CKAP5: variants seen among roughly 807,000 people sequenced by gnomAD.
The protein encoded by CKAP5 is cytoskeleton-associated protein 5.
Under a neutral mutation model 232.8 loss-of-function variants are expected in CKAP5, and 27 were observed. The ratio of observed to expected loss-of-function variants is 0.12; its 90% CI spans 0.09 to 0.16. The LOEUF (loss-of-function observed/expected upper bound fraction) is 0.16. Among genes scored for constraint, CKAP5 ranks in the 10% least tolerant of loss-of-function variants. The pLI is 1.00. For missense variants in CKAP5, 1,838 were observed against 2,424.7 expected (o/e 0.76, Z 5.08); for synonymous variants, 785 against 841.1 (o/e 0.93, Z 1.16).
intron 15 of CKAP5, 133 bp downstream of exon 15, chr11:46,789,943 C>T: frequency 5.3e-6 from 3 of 562,516 alleles, no homozygotes; most frequent in Non-Finnish European, 3.2e-6. Flanking sequence ...AAAGTCCCAC[C>T]TCATCTTTAA....
intron 28 of CKAP5, among the ~76,000 whole-genome samples, 174 bp from the exon 29 acceptor site, chr11:46,763,804 C>G (rs2065176787): frequency 6.6e-6 from 1 of 152,134 alleles, no homozygotes; most frequent in African/African-American, 2.4e-5. Flanking sequence ...AGCTTAACAA[C>G]TCTGAAAATC....
chr11:46,842,983 A>G (rs1231547788), intron 1 of CKAP5, among the ~76,000 whole-genome samples: 1 of 147,952 alleles, frequency 6.8e-6, no homozygotes, highest in Non-Finnish European at 1.5e-5. Flanking sequence ...AAAAAAAAAA[A>G]AAAAAAAAGA....
At chr11:46,842,495 TG>T (rs538155171) in intron 1 of CKAP5, among the ~76,000 whole-genome samples, 160 of 152,308 alleles carry the variant, frequency 1.1e-3, no homozygotes, top group African/African-American at 3.8e-3. Context: ...GACCCCTTAA[TG>T]TGGATAACCT....
chr11:46,810,236 T>G (rs1197694045), intron 5 of CKAP5, among the ~76,000 whole-genome samples: 1 of 152,148 alleles, frequency 6.6e-6, no homozygotes, highest in Non-Finnish European at 1.5e-5. Context: ...CCTCCCAAAA[T>G]GCTGGGATGA....
At chr11:46,766,737 A>T (rs1448923592) in intron 27 of CKAP5, among the ~76,000 whole-genome samples, 1 of 152,216 alleles carries the variant, frequency 6.6e-6, no homozygotes, top group Non-Finnish European at 1.5e-5. Flanking sequence ...AGATAATGAC[A>T]ATTTACTGTG....
chr11:46,769,901 T>C, intron 26 of CKAP5, 62 bp downstream of exon 26: 1 of 1,551,342 alleles, frequency 6.4e-7, no homozygotes, highest in Non-Finnish European at 8.9e-7. Context: ...CAAGGCTGAA[T>C]GTCTTTTTAG....
intron 5 of CKAP5, among the ~76,000 whole-genome samples, chr11:46,810,203 C>A (rs945962501): frequency 2.6e-5 from 4 of 152,116 alleles, no homozygotes; most frequent in Admixed American, 1.3e-4. Context: ...AACTTCTGAC[C>A]TCAGGTGATC....
At chr11:46,779,413 G>A (rs748563839) in intron 20 of CKAP5, among the ~76,000 whole-genome samples, 14 of 151,932 alleles carry the variant, frequency 9.2e-5, no homozygotes, top group Non-Finnish European at 1.9e-4. Context: ...GATTACAGGC[G>A]TGAGCCACCA....
intron 38 of CKAP5, among the ~76,000 whole-genome samples, chr11:46,752,142 G>GA (rs1390530366): frequency 7.8e-6 from 1 of 128,316 alleles, no homozygotes; most frequent in African/African-American, 2.9e-5. Context: ...TGTAGGAAGG[G>GA]AAAAACTGAA....
intron 2 of CKAP5, chr11:46,820,667 G>A (rs1184538761): frequency 1.3e-5 from 2 of 152,074 alleles, no homozygotes; most frequent in East Asian, 1.9e-4. Flanking sequence ...TAATCTGAAA[G>A]GATGCCCACC....
intron 1 of CKAP5, among the ~76,000 whole-genome samples, chr11:46,828,648 A>G (rs897555239): frequency 1.4e-5 from 2 of 146,462 alleles, no homozygotes; most frequent in Non-Finnish European, 2.9e-5. Flanking sequence ...ACATAGTACA[A>G]TGAGTGTATG....
At chr11:46,811,423 A>T (rs894107141) in intron 4 of CKAP5, among the ~76,000 whole-genome samples, 6 of 152,198 alleles carry the variant, frequency 3.9e-5, no homozygotes, top group African/African-American at 1.4e-4. Flanking sequence ...CAAACTTTCT[A>T]GGTAAGCAGA....
intron 26 of CKAP5, 81 bp downstream of exon 26, chr11:46,769,882 T>C: frequency 6.7e-7 from 1 of 1,484,154 alleles, no homozygotes; most frequent in South Asian, 1.2e-5. Flanking sequence ...AAATGTGATT[T>C]AAAAAAGACA....
chr11:46,773,017 C>T (rs908047930), intron 24 of CKAP5, among the ~76,000 whole-genome samples: 1 of 152,198 alleles, frequency 6.6e-6, no homozygotes, highest in Non-Finnish European at 1.5e-5. Context: ...GCTGGGATTA[C>T]AGGCGTGAGC....
At chr11:46,767,889 C>A (rs1256050998) in intron 26 of CKAP5, among the ~76,000 whole-genome samples, 1 of 151,982 alleles carries the variant, frequency 6.6e-6, no homozygotes, top group Non-Finnish European at 1.5e-5. Flanking sequence ...ACCTCCTGGG[C>A]TCAATGAATT....
Position 46,796,824 on chromosome 11 carries a change from G to C in CKAP5, c.1455C>G (p.Leu485=). The C allele has an allele frequency of 6.2e-7, 1 of 1,613,920 alleles. No individual in the cohort carries two copies. The highest frequency in any genetic ancestry group is 8.5e-7 in the Non-Finnish European group (1 of 1,179,874). ...ATTACTAACCTACCTTATCAAGCTT[G>C]AGTTTGTCCACATCAGCTAGGAATG... is the stretch of plus-strand genomic sequence containing the variant. The part of the protein sequence containing the change: ...VNPFLADVDK[L]KLDKIKECSE... The change falls in exon 12 of 44, where the codon CTC becomes CTG. Residue 485 remains leucine (L), a synonymous_variant. Coordinates refer to ENST00000529230, the MANE Select transcript of CKAP5 (RefSeq NM_001008938.4).
intron 4 of CKAP5, among the ~76,000 whole-genome samples, chr11:46,815,732 T>C (rs1490328132): frequency 1.3e-5 from 2 of 152,262 alleles, no homozygotes; most frequent in African/African-American, 2.4e-5. Context: ...ACTTGGGGAA[T>C]GACTTTCCTT....
intron 16 of CKAP5, among the ~76,000 whole-genome samples, chr11:46,785,989 A>C (rs1396873558): frequency 6.6e-6 from 1 of 152,150 alleles, no homozygotes; most frequent in African/African-American, 2.4e-5. Flanking sequence ...AAAAAATAAA[A>C]ATTTAAAAAA....
At chr11:46,830,440 CAAAAAAAAA>C (rs71042623) in intron 1 of CKAP5, among the ~76,000 whole-genome samples, 4 of 67,932 alleles carry the variant, frequency 5.9e-5, no homozygotes, top group Non-Finnish European at 8.4e-5. Context: ...GACTCCGTCT[CAAAAAAAAA>C]AAAAAAAAAA....
Sources: gnomAD v4.1 joint callset for allele counts (sites outside exome capture counted in the v4.1 genomes callset) on GRCh38, gnomAD v4.1.1 for gene constraint, MANE v1.5 for transcripts, NCBI Gene and HGNC (gene_info 2026-07-23, HGNC 2026-07-21) for gene names.